GALNT10: variants seen among roughly 807,000 people sequenced by gnomAD.
GALNT10 encodes polypeptide N-acetylgalactosaminyltransferase 10.
GALNT10 carries 41 observed loss-of-function variants against 75.0 expected under a neutral mutation model. That is an observed-to-expected ratio of 0.55 (90% CI 0.43 to 0.71). The LOEUF is 0.71. GALNT10 is among the 30% of genes least tolerant of loss of function. The pLI is 0.00. For missense variants in GALNT10, 727 were observed against 818.5 expected (o/e 0.89, Z 1.36); for synonymous variants, 302 against 313.0 (o/e 0.96, Z 0.37).
intron 3 of GALNT10, among the ~76,000 whole-genome samples, chr5:154,327,732 A>G (rs562519318): frequency 6.6e-6 from 1 of 152,352 alleles, no homozygotes; most frequent in South Asian, 2.1e-4. Flanking sequence ...TTTTCTCTAT[A>G]GAAGAATTTC....
At chr5:154,319,161 G>T (rs1052675701) in intron 3 of GALNT10, among the ~76,000 whole-genome samples, 2 of 152,356 alleles carry the variant, frequency 1.3e-5, no homozygotes, top group Admixed American at 1.3e-4. Flanking sequence ...AGGCCACGCT[G>T]CATGTGGAAG....
At chr5:154,329,830 A>AAC (rs1754818458) in intron 4 of GALNT10, 92 bp downstream of exon 4, 1 of 832,918 alleles carries the variant, frequency 1.2e-6, no homozygotes, top group East Asian at 2.6e-5. Context: ...TAGCAGCATC[A>AAC]ACATATAGGC....
At position 154,329,639 on chromosome 5, in the gene GALNT10, G is replaced by A; in HGVS notation, c.469G>A (p.Gly157Ser). The change falls in exon 4 of 12, where the codon GGC becomes AGC. Residue 157 changes from glycine to serine, a missense_variant. Coordinates refer to ENST00000297107, the MANE Select transcript of GALNT10 (RefSeq NM_198321.4). ...CATCATCATCCCCTTCCACAACGAG[G>A]GCTGGTCCTCCCTCCTCCGCACCGT... ...TSIIIPFHNE[G>S]WSSLLRTVHS... The A allele has an allele frequency of 1.2e-6, 2 of 1,613,664 alleles. No individual in the cohort carries two copies. The highest frequency in any genetic ancestry group is 1.7e-6 in the Non-Finnish European group (2 of 1,179,646).
intron 4 of GALNT10, among the ~76,000 whole-genome samples, chr5:154,341,178 A>G (rs1305498483): frequency 6.6e-6 from 1 of 152,224 alleles, no homozygotes; most frequent in African/African-American, 2.4e-5. Context: ...GTATTCACAG[A>G]TGCAGGCTGC....
chr5:154,406,321 T>C (rs976367604), intron 8 of GALNT10: 4 of 152,272 alleles, frequency 2.6e-5, no homozygotes, highest in Admixed American at 2.6e-4. Context: ...CATCGTCCTG[T>C]GTTTGGCTTT....
chr5:154,387,224 A>T (rs1229954687), intron 7 of GALNT10: 1 of 152,222 alleles, frequency 6.6e-6, no homozygotes, highest in Non-Finnish European at 1.5e-5. Flanking sequence ...TTACTAGTTA[A>T]CTAATAACTA....
intron 3 of GALNT10, among the ~76,000 whole-genome samples, chr5:154,307,979 A>G (rs543645440): frequency 1.2e-4 from 18 of 150,056 alleles, no homozygotes; most frequent in African/African-American, 4.1e-4. Flanking sequence ...TTCCAAAAAA[A>G]AAAAGATACC....
At chr5:154,231,050 CT>C (rs1753143783) in intron 1 of GALNT10, among the ~76,000 whole-genome samples, 1 of 152,242 alleles carries the variant, frequency 6.6e-6, no homozygotes, top group South Asian at 2.1e-4. Context: ...GCTGCCTGGC[CT>C]TCCTAGGCCT....
chr5:154,197,351 C>T (rs1435264296), intron 1 of GALNT10, among the ~76,000 whole-genome samples: 4 of 152,168 alleles, frequency 2.6e-5, no homozygotes, highest in African/African-American at 4.8e-5. Context: ...GCAGCTTCCA[C>T]GTTTTTTCTG....
At chr5:154,312,226 GTGA>G (rs1754532940) in intron 3 of GALNT10, among the ~76,000 whole-genome samples, 1 of 152,194 alleles carries the variant, frequency 6.6e-6, no homozygotes. Context: ...CAAGGGCAGT[GTGA>G]TGATAAGACA....
chr5:154,278,490 A>G (rs1312895308), intron 1 of GALNT10, among the ~76,000 whole-genome samples: 1 of 152,240 alleles, frequency 6.6e-6, no homozygotes, highest in African/African-American at 2.4e-5. Context: ...TAGAATATGT[A>G]AGAGTTGAAA....
rs550550502 is a variant in GALNT10 at position 154,225,328 on chromosome 5, G to T, written c.159+34303G>T. 1.2e-4 allele frequency among the ~76,000 whole-genome samples: 18 copies of T among 151,284 alleles called. No individual in the cohort carries two copies. In the South Asian group the frequency reaches 3.8e-3, roughly 32 times the overall value. On this transcript the variant is annotated intron_variant, in intron 1 of 11. Coordinates refer to ENST00000297107, the MANE Select transcript of GALNT10 (RefSeq NM_198321.4). ...AGAATCGTCTCGATCTCCTGACCTC[G>T]TGATCCGCCCACCTCGGCCTCCCAA... is the stretch of plus-strand genomic sequence containing the variant.
chr5:154,192,662 C>CT (rs1774877606), intron 1 of GALNT10, among the ~76,000 whole-genome samples: 1 of 152,172 alleles, frequency 6.6e-6, no homozygotes, highest in Non-Finnish European at 1.5e-5. Context: ...ACGGTCCCTT[C>CT]TTTTTTTCTG....
chr5:154,274,240 G>T (rs371903215), intron 1 of GALNT10, among the ~76,000 whole-genome samples: 376 of 152,320 alleles, frequency 2.5e-3, no homozygotes, highest in Non-Finnish European at 4.7e-3. Flanking sequence ...GACAATGTTA[G>T]AAGGTGGATT....
intron 1 of GALNT10, among the ~76,000 whole-genome samples, chr5:154,253,188 T>G (rs1753554453): frequency 6.6e-6 from 1 of 152,006 alleles, no homozygotes; most frequent in Non-Finnish European, 1.5e-5. Flanking sequence ...TTTGATCTGT[T>G]TTGTGACCAT....
chr5:154,337,779 C>G (rs551033019), intron 4 of GALNT10: 3 of 1,079,076 alleles, frequency 2.8e-6, no homozygotes, highest in Non-Finnish European at 4.2e-6. Context: ...TCATCCATGA[C>G]CAAAGTTGTC....
chr5:154,342,239 C>T (rs532563540), intron 4 of GALNT10, among the ~76,000 whole-genome samples: 85 of 152,228 alleles, frequency 5.6e-4, no homozygotes, highest in Middle Eastern at 6.8e-3. Context: ...GCAATGAGGA[C>T]GTACAAGAGG....
intron 3 of GALNT10, among the ~76,000 whole-genome samples, chr5:154,314,883 G>A (rs1754574054): frequency 3.3e-5 from 5 of 151,932 alleles, no homozygotes; most frequent in Admixed American, 3.3e-4. Context: ...TTGCTGAAGA[G>A]TAATTTGCCA....
At chr5:154,256,048 C>A (rs959495973) in intron 1 of GALNT10, among the ~76,000 whole-genome samples, 1 of 152,068 alleles carries the variant, frequency 6.6e-6, no homozygotes, top group Non-Finnish European at 1.5e-5. Context: ...AGAGGAGAAG[C>A]CTGGTTATGG....
Sources: allele counts gnomAD v4.1 joint callset (sites outside exome capture counted in the v4.1 genomes callset), GRCh38; gene constraint gnomAD v4.1.1; transcripts MANE v1.5; gene names NCBI Gene and HGNC (gene_info 2026-07-23, HGNC 2026-07-21).